Variants in ACTR3C observed in about 807,000 individuals in gnomAD.
ACTR3C encodes actin-related protein 3C.
In ACTR3C, 18 loss-of-function variants were observed where a neutral mutation model predicts 26.3. That is an observed-to-expected ratio of 0.68 (90% CI 0.47 to 1.01). ACTR3C has a LOEUF of 1.01. ACTR3C is among the 50% of genes least tolerant of loss of function. The pLI, the probability that ACTR3C is intolerant of heterozygous loss-of-function variation, is 0.00. For missense variants in ACTR3C, 184 were observed against 250.7 expected (o/e 0.73, Z 1.80); for synonymous variants, 55 against 94.5 (o/e 0.58, Z 2.42).
chr7:150,035,743 G>A, the ACTR3C span, among the ~76,000 whole-genome samples: 3 of 136,800 alleles, frequency 2.2e-5, no homozygotes, highest in Non-Finnish European at 3.3e-5. Context: ...CTCAGTCCCC[G>A]CCTCGCGGGG....
the ACTR3C span, among the ~76,000 whole-genome samples, chr7:150,217,210 A>C: frequency 2.0e-5 from 3 of 149,366 alleles, no homozygotes; most frequent in Non-Finnish European, 2.9e-5. Flanking sequence ...AAACTTAGGC[A>C]TGGAGGTTAA....
the ACTR3C span, among the ~76,000 whole-genome samples, chr7:150,055,309 T>C: frequency 6.6e-6 from 1 of 152,252 alleles, no homozygotes; most frequent in Non-Finnish European, 1.5e-5. Context: ...TGAGAACCAC[T>C]GCACTAGAGC....
the ACTR3C span, among the ~76,000 whole-genome samples, chr7:149,965,004 T>C: frequency 6.6e-6 from 1 of 152,180 alleles, no homozygotes; most frequent in African/African-American, 2.4e-5. Flanking sequence ...AAAAGTTGTG[T>C]GTATGTAAGA....
chr7:149,911,863 AC>A, the ACTR3C span, among the ~76,000 whole-genome samples: 1 of 152,108 alleles, frequency 6.6e-6, no homozygotes, highest in Non-Finnish European at 1.5e-5. Flanking sequence ...TGGGCAAGTT[AC>A]TTTACCTATC....
At chr7:149,935,844 A>G in the ACTR3C span, among the ~76,000 whole-genome samples, 1 of 152,218 alleles carries the variant, frequency 6.6e-6, no homozygotes. Context: ...AGAAAAGAGA[A>G]AGGTGTGGTG....
At chr7:150,045,252 C>T in the ACTR3C span, among the ~76,000 whole-genome samples, 1 of 152,028 alleles carries the variant, frequency 6.6e-6, no homozygotes, top group African/African-American at 2.4e-5. Flanking sequence ...GCTTTTGTTC[C>T]TGGAGGAAAA....
At chr7:150,111,697 C>G in the ACTR3C span, among the ~76,000 whole-genome samples, 1 of 131,224 alleles carries the variant, frequency 7.6e-6, no homozygotes, top group Non-Finnish European at 1.6e-5. Flanking sequence ...CCGCCCTCCT[C>G]CGCCCACAAG....
At chr7:150,048,943 C>G in the ACTR3C span, among the ~76,000 whole-genome samples, 1 of 152,140 alleles carries the variant, frequency 6.6e-6, no homozygotes, top group Non-Finnish European at 1.5e-5. Flanking sequence ...CTGCGCCCCG[C>G]AGAGAGCCCG....
At chr7:150,130,531 C>T in the ACTR3C span, among the ~76,000 whole-genome samples, 4 of 152,176 alleles carry the variant, frequency 2.6e-5, no homozygotes, top group Non-Finnish European at 4.4e-5. Flanking sequence ...AGTGAAGTTA[C>T]AGGTGGCAAA....
chr7:149,882,068 C>T, the ACTR3C span: 21 of 152,450 alleles, frequency 1.4e-4, no homozygotes, highest in African/African-American at 4.8e-4. Flanking sequence ...CCTACTGGGC[C>T]CATTTTCCCA....
At chr7:149,889,630 G>T in the ACTR3C span, among the ~76,000 whole-genome samples, 145 of 152,260 alleles carry the variant, frequency 9.5e-4, no homozygotes, top group Admixed American at 2.2e-3. Flanking sequence ...AGCACAAAAG[G>T]CTGGAGAGGA....
chr7:149,966,877 G>T, the ACTR3C span, among the ~76,000 whole-genome samples: 5 of 150,790 alleles, frequency 3.3e-5, no homozygotes, highest in Admixed American at 6.6e-5. Context: ...TTGTGTGTGT[G>T]GGGGGACAGA....
chr7:150,119,767 T>G, the ACTR3C span, among the ~76,000 whole-genome samples: 3 of 152,146 alleles, frequency 2.0e-5, no homozygotes, highest in Non-Finnish European at 4.4e-5. Context: ...CCACCCCAAA[T>G]CAACAGAATA....
chr7:150,259,462 T>C (rs180948184), intron 6 of ACTR3C, among the ~76,000 whole-genome samples: 8 of 152,344 alleles, frequency 5.3e-5, no homozygotes, highest in African/African-American at 1.7e-4. Flanking sequence ...TTCTGTTAGC[T>C]TGTTTTCTTT....
chr7:150,225,950 T>C, the ACTR3C span, among the ~76,000 whole-genome samples: 27 of 152,364 alleles, frequency 1.8e-4, no homozygotes, highest in South Asian at 6.2e-4. Context: ...TCATACAGTA[T>C]CAGTCTTTTC....
At chr7:150,193,491 T>C in the ACTR3C span, among the ~76,000 whole-genome samples, 2,028 of 151,400 alleles carry the variant, frequency 0.013, 41 homozygotes, top group African/African-American at 0.047. Context: ...TTCCTCTTGT[T>C]TCTTAAGAGG....
chr7:150,262,780 T>C (rs1420114368), intron 6 of ACTR3C, among the ~76,000 whole-genome samples: 1 of 152,218 alleles, frequency 6.6e-6, no homozygotes, highest in Non-Finnish European at 1.5e-5. Flanking sequence ...GCAATGATTA[T>C]TTGATTAGAG....
the ACTR3C span, among the ~76,000 whole-genome samples, chr7:149,957,757 C>A: frequency 6.6e-6 from 1 of 151,214 alleles, no homozygotes; most frequent in Admixed American, 6.6e-5. Context: ...TCTGATAAAT[C>A]CCCTCTTATA....
the ACTR3C span, among the ~76,000 whole-genome samples, chr7:150,073,224 T>C: frequency 4.6e-5 from 7 of 152,282 alleles, no homozygotes; most frequent in South Asian, 2.1e-4. Context: ...AGAAGCCATC[T>C]TCTGTGGGTC....
Sources: gnomAD v4.1 joint callset for allele counts (sites outside exome capture counted in the v4.1 genomes callset) on GRCh38, gnomAD v4.1.1 for gene constraint, MANE v1.5 for transcripts, NCBI Gene and HGNC (gene_info 2026-07-23, HGNC 2026-07-21) for gene names.